Variants in CSMD1 observed in about 807,000 individuals in gnomAD.
CSMD1 encodes the protein CUB and sushi domain-containing protein 1.
In CSMD1, 213 loss-of-function variants were observed where a neutral mutation model predicts 417.5. The ratio of observed to expected loss-of-function variants is 0.51; its 90% CI spans 0.46 to 0.57. The LOEUF is 0.57. CSMD1 is among the 20% of genes least tolerant of loss of function. CSMD1 has a pLI of 0.00. For synonymous variants in CSMD1, 2,862 were observed against 1,736.8 expected, an observed-to-expected ratio of 1.65 and a Z score of -16.11; for missense variants, 6,923 against 4,529.7, an observed-to-expected ratio of 1.53 and a Z score of -15.17.
intron 3 of CSMD1, among the ~76,000 whole-genome samples, chr8:4,277,261 T>C (rs74969641): frequency 0.018 from 2,805 of 152,216 alleles, 47 homozygotes; most frequent in Non-Finnish European, 0.028. Flanking sequence ...AAGAATTTCT[T>C]ATGAAGTTGG....
chr8:3,432,232 T>C (rs1403188354), intron 12 of CSMD1, among the ~76,000 whole-genome samples: 1 of 151,994 alleles, frequency 6.6e-6, no homozygotes, highest in Non-Finnish European at 1.5e-5. Context: ...TATGGAAAAA[T>C]AAAACACCTT....
intron 8 of CSMD1, among the ~76,000 whole-genome samples, chr8:3,604,082 T>C (rs1801489099): frequency 6.6e-6 from 1 of 152,210 alleles, no homozygotes; most frequent in Admixed American, 6.5e-5. Context: ...GAATAATGGC[T>C]GAATGCTTCC....
chr8:3,588,428 C>T (rs1021258089), intron 8 of CSMD1, among the ~76,000 whole-genome samples: 1 of 152,080 alleles, frequency 6.6e-6, no homozygotes, highest in African/African-American at 2.4e-5. Context: ...CAATGATCCC[C>T]TTAACCTGAG....
chr8:3,188,111 T>TC, intron 35 of CSMD1, 146 bp from the exon 36 acceptor site: 1 of 274,954 alleles, frequency 3.6e-6, no homozygotes, highest in Middle Eastern at 1.2e-3. Context: ...CATATACACC[T>TC]TAATAATGCC....
At chr8:4,335,847 C>G (rs112438543) in intron 3 of CSMD1, among the ~76,000 whole-genome samples, 16 of 152,102 alleles carry the variant, frequency 1.1e-4, no homozygotes, top group African/African-American at 3.6e-4. Context: ...ATTGGGGTAT[C>G]TAAGCTGGGG....
intron 1 of CSMD1, among the ~76,000 whole-genome samples, chr8:4,989,091 A>T (rs931599355): frequency 6.6e-6 from 1 of 152,208 alleles, no homozygotes; most frequent in African/African-American, 2.4e-5. Flanking sequence ...AAGTGCAATT[A>T]TTTGATTTTT....
intron 23 of CSMD1, among the ~76,000 whole-genome samples, chr8:3,319,762 G>C (rs1309560179): frequency 6.6e-6 from 1 of 152,074 alleles, no homozygotes; most frequent in Admixed American, 6.5e-5. Context: ...GAACACGTCA[G>C]CCGGGCTATT....
chr8:4,833,280 AC>A (rs1480924914), intron 1 of CSMD1, among the ~76,000 whole-genome samples: 1 of 152,242 alleles, frequency 6.6e-6, no homozygotes, highest in Non-Finnish European at 1.5e-5. Flanking sequence ...CAGGAAACTT[AC>A]AACCATGGCA....
intron 3 of CSMD1, among the ~76,000 whole-genome samples, chr8:4,321,530 G>C (rs1355700787): frequency 6.6e-6 from 1 of 152,066 alleles, no homozygotes. Flanking sequence ...AGGATTAAAG[G>C]GATGAGTATC....
chr8:3,339,767 T>C (rs75524516), intron 23 of CSMD1, among the ~76,000 whole-genome samples: 1,800 of 152,238 alleles, frequency 0.012, 39 homozygotes, highest in African/African-American at 0.041. Context: ...AGATCACACA[T>C]CTGTGTAAGG....
intron 21 of CSMD1, among the ~76,000 whole-genome samples, chr8:3,356,714 A>G (rs1295440398): frequency 6.6e-6 from 1 of 152,120 alleles, no homozygotes; most frequent in East Asian, 1.9e-4. Flanking sequence ...TAATGGCAAA[A>G]ACCGCAATTA....
At chr8:3,694,013 G>C (rs113162585) in intron 7 of CSMD1, among the ~76,000 whole-genome samples, 2 of 138,308 alleles carry the variant, frequency 1.4e-5, no homozygotes, top group African/African-American at 5.5e-5. Flanking sequence ...TGTGTGTTGG[G>C]GTATTATGTG....
chr8:3,366,748 G>C (rs116922009), intron 20 of CSMD1, among the ~76,000 whole-genome samples: 7,149 of 152,218 alleles, frequency 0.047, 195 homozygotes, highest in Middle Eastern at 0.092. Context: ...AATCGAGTGA[G>C]AAGGGCTTTG....
intron 3 of CSMD1, among the ~76,000 whole-genome samples, chr8:4,078,891 TAATAAA>T (rs1433384155): frequency 0.075 from 8,116 of 108,078 alleles, 374 homozygotes; most frequent in African/African-American, 0.13. Context: ...ATAATAATAA[TAATAAA>T]TATATATATA....
At chr8:3,770,294 G>A (rs1242704114) in intron 5 of CSMD1, among the ~76,000 whole-genome samples, 4 of 152,138 alleles carry the variant, frequency 2.6e-5, no homozygotes, top group African/African-American at 7.2e-5. Context: ...TTGGGAGGCC[G>A]AGGGCGGGGG....
chr8:4,111,074 G>A (rs557141622), intron 3 of CSMD1, among the ~76,000 whole-genome samples: 23 of 152,070 alleles, frequency 1.5e-4, no homozygotes, highest in Admixed American at 1.2e-3. Flanking sequence ...GGAAAAATCT[G>A]GTAGAAATCT....
intron 2 of CSMD1, among the ~76,000 whole-genome samples, chr8:4,619,627 G>A (rs562744365): frequency 6.6e-5 from 10 of 152,050 alleles, no homozygotes; most frequent in Non-Finnish European, 1.3e-4. Flanking sequence ...TGTGCACTCT[G>A]TACTCTAGCC....
chr8:4,701,481 C>T (rs1194955409), intron 1 of CSMD1, among the ~76,000 whole-genome samples: 2 of 152,038 alleles, frequency 1.3e-5, no homozygotes, highest in Non-Finnish European at 2.9e-5. Flanking sequence ...TCCTCCCCGA[C>T]CCCAGCACAG....
intron 12 of CSMD1, among the ~76,000 whole-genome samples, chr8:3,438,980 T>G (rs1031719190): frequency 5.3e-5 from 8 of 150,424 alleles, no homozygotes; most frequent in Non-Finnish European, 1.2e-4. Flanking sequence ...CCGGGCATGG[T>G]AGTGGGCACC....
Sources: allele counts gnomAD v4.1 joint callset (sites outside exome capture counted in the v4.1 genomes callset), GRCh38; gene constraint gnomAD v4.1.1; transcripts MANE v1.5; gene names NCBI Gene and HGNC (gene_info 2026-07-23, HGNC 2026-07-21).